C10orf53: variants seen among roughly 807,000 people sequenced by gnomAD.
C10orf53 encodes UPF0728 protein C10orf53.
Under a neutral mutation model 9.4 loss-of-function variants are expected in C10orf53, and 8 were observed. The observed-to-expected ratio is 0.85, with a 90% confidence interval of 0.50 to 1.53. The LOEUF is 1.53. C10orf53 is among the 40% of genes most tolerant of loss of function. The pLI is 0.00. For missense variants in C10orf53, 117 were observed against 117.8 expected, an observed-to-expected ratio of 0.99 and a Z score of 0.03; for synonymous variants, 48 against 46.0, an observed-to-expected ratio of 1.04 and a Z score of -0.18.
chr10:49,694,505 C>G, intron 2 of C10orf53, 33 bp from the exon 3 acceptor site: 1 of 1,613,524 alleles, frequency 6.2e-7, no homozygotes, highest in Non-Finnish European at 8.5e-7. Context: ...GTATATAAAG[C>G]TAACCAAAAG....
chr10:49,708,225 T>A, intron 2 of C10orf53: 1 of 1,359,840 alleles, frequency 7.4e-7, no homozygotes, highest in Non-Finnish European at 9.8e-7. Flanking sequence ...GGCTTAAGAA[T>A]ATAGGAAATA....
intron 1 of C10orf53, among the ~76,000 whole-genome samples, chr10:49,686,326 C>T (rs1040851111): frequency 4.6e-5 from 7 of 152,090 alleles, no homozygotes; most frequent in African/African-American, 1.4e-4. Context: ...ATGTACGTCA[C>T]CTCAGGACCA....
chr10:49,679,764 C>T lies in C10orf53; in HGVS notation c.67C>T (p.His23Tyr). Residue 23 changes from histidine (H) to tyrosine (Y), a missense_variant, in exon 1 of 3, where the codon CAC (histidine) becomes TAC (tyrosine). Coordinates refer to ENST00000374111, the MANE Select transcript of C10orf53 (RefSeq NM_001042427.3). The part of the protein sequence containing the change: ...PYSAAGLPVE[H>Y]HTFRLQGLQA... ...CAGCGCGGCAGGCCTACCGGTGGAG[C>T]ACCACACCTTCCGCCTGCAGGGCCT... 6.5e-7 allele frequency: 1 copy of T among 1,545,408 alleles called. No homozygotes were observed.
intron 2 of C10orf53, among the ~76,000 whole-genome samples, chr10:49,707,053 C>A (rs985289265): frequency 6.8e-6 from 1 of 147,062 alleles, no homozygotes; most frequent in Non-Finnish European, 1.5e-5. Context: ...ACTTTGTTAG[C>A]ATACAACAAA....
At chr10:49,683,882 CAA>C (rs370891136) in intron 1 of C10orf53, among the ~76,000 whole-genome samples, 99 of 152,134 alleles carry the variant, frequency 6.5e-4, no homozygotes, top group African/African-American at 2.3e-3. Flanking sequence ...GGTGACAGAG[CAA>C]AAGACTCTGT....
At chr10:49,689,823 T>A (rs1042954468) in intron 1 of C10orf53, among the ~76,000 whole-genome samples, 1 of 151,938 alleles carries the variant, frequency 6.6e-6, no homozygotes, top group African/African-American at 2.4e-5. Context: ...ATTTTTAAAA[T>A]GTTGTCCTTT....
Position 49,696,542 on chromosome 10 carries a change from G to A in C10orf53, c.*1940G>A, listed in dbSNP as rs118022201. On this transcript the variant is annotated 3_prime_UTR_variant, in exon 3 of 3. Transcript: ENST00000374111. ...AGGTTGTATTTGTGCCTTCAGAGTA[G>A]CACTACAAGTGAAGAAGACCTGCCC... Among the ~76,000 whole-genome samples the A allele has an allele frequency of 0.022, 3,282 of 152,300 alleles. 51 individuals are homozygous for A. Among genetic ancestry groups the A allele is most frequent in the South Asian group, 0.09 (435 of 4,828 alleles).
Position 49,696,032 on chromosome 10 carries a change from T to G in C10orf53, c.*1430T>G, listed in dbSNP as rs959215569. ...TACAGGTAAAAATAAAGTACAACTT[T>G]AGTAACATTTTTATATATTTCAATT... On this transcript the variant is annotated 3_prime_UTR_variant, in exon 3 of 3. Coordinates refer to ENST00000374111, the MANE Select transcript of C10orf53 (RefSeq NM_001042427.3). 3.3e-5 allele frequency: 5 copies of G among 152,250 alleles called. No individual in the cohort carries two copies. The highest frequency in any genetic ancestry group is 7.3e-5 in the Non-Finnish European group (5 of 68,048). The allele number at this position is 152,250 out of a possible 1,614,324, so 9.4% of individuals were successfully genotyped here.
chr10:49,694,055 G>A (rs1840611430), intron 2 of C10orf53, 162 bp downstream of exon 2: 1 of 937,676 alleles, frequency 1.1e-6, no homozygotes, highest in Non-Finnish European at 1.6e-6. Context: ...GGCACACACA[G>A]GAGAGTATCC....
chr10:49,690,165 GAA>G (rs1167399579), intron 1 of C10orf53, among the ~76,000 whole-genome samples: 1 of 152,190 alleles, frequency 6.6e-6, no homozygotes, highest in African/African-American at 2.4e-5. Flanking sequence ...AGTATTTGGA[GAA>G]AGAGCAAGAG....
intron 2 of C10orf53, among the ~76,000 whole-genome samples, chr10:49,703,797 C>T (rs1840703857): frequency 6.6e-6 from 1 of 152,192 alleles, no homozygotes; most frequent in Admixed American, 6.5e-5. Flanking sequence ...TAATGCTATA[C>T]CAATAAAAAT....
rs577033840 is a variant in C10orf53, at chr10:49,687,707, G to T, written c.98-6067G>T. ...AGCGTTAGTTCTTATTGTTCCTGAG[G>T]AAGGCTCATTGCGAAGGGGAGGTGC... On this transcript the variant is annotated intron_variant, in intron 1 of 2. Transcript: ENST00000374111. Among the ~76,000 whole-genome samples the T allele has an allele frequency of 2.0e-5, 3 of 152,328 alleles. No individual in the cohort carries two copies. In the South Asian group the frequency reaches 6.2e-4, roughly 32 times the overall value.
intron 1 of C10orf53, among the ~76,000 whole-genome samples, chr10:49,686,264 T>C (rs1840527215): frequency 6.6e-6 from 1 of 152,244 alleles, no homozygotes; most frequent in Admixed American, 6.5e-5. Flanking sequence ...TATAATTTCT[T>C]ATGCCTGTCT....
chr10:49,699,674 C>T (rs1159716993), downstream of C10orf53, among the ~76,000 whole-genome samples: 1 of 152,208 alleles, frequency 6.6e-6, no homozygotes, highest in African/African-American at 2.4e-5. Flanking sequence ...TCCACCGTCA[C>T]CCTTCCCAGA....
chr10:49,693,711 T>C, intron 1 of C10orf53, 63 bp from the exon 2 acceptor site: 1 of 1,548,140 alleles, frequency 6.5e-7, no homozygotes, highest in South Asian at 1.2e-5. Flanking sequence ...TGAGGACTGC[T>C]ACCAGTCAGG....
downstream of C10orf53, among the ~76,000 whole-genome samples, chr10:49,701,014 A>ATG (rs1479628791): frequency 3.0e-5 from 4 of 134,324 alleles, no homozygotes; most frequent in Non-Finnish European, 5.4e-5. Flanking sequence ...ATATATATAT[A>ATG]TGTATATATA....
chr10:49,707,734 A>C lies in C10orf53; in HGVS notation c.218-627A>C, dbSNP rs114608183. 3.4e-3 allele frequency among the ~76,000 whole-genome samples: 522 copies of C among 152,232 alleles called. 2 individuals carry two copies. The highest frequency in any genetic ancestry group is 0.011 in the African/African-American group (477 of 41,542). On this transcript the variant is annotated intron_variant, in intron 2 of 2. Coordinates refer to the C10orf53 transcript ENST00000374112. ...TTGTCTTTTCTGAAGCAAGCAGTGG[A>C]GTGGCATGGAAGCCAGGTAGCACGC...
At position 49,690,283 on chromosome 10, in the gene C10orf53, C is replaced by T. The variant is rs577427565; in HGVS notation, c.98-3491C>T. Among the ~76,000 whole-genome samples, 9 of 152,176 alleles carry T rather than the reference C, an allele frequency of 5.9e-5. No individual in the cohort carries two copies. The South Asian group carries it at 1.9e-3, about 32-fold the overall frequency. On this transcript the variant is annotated intron_variant, in intron 1 of 2. Coordinates refer to ENST00000374111, the MANE Select transcript of C10orf53 (RefSeq NM_001042427.3). ...CGATGAATGATAAGTCATGTAATAC[C>T]GGCAGCCAACAAGGGCCAGGGTGTT...
chr10:49,694,077 G>A, intron 2 of C10orf53, 184 bp downstream of exon 2: 2 of 753,614 alleles, frequency 2.7e-6, no homozygotes, highest in East Asian at 2.7e-5. Flanking sequence ...AAACCACACA[G>A]TAAAGTGTGT....
Sources: gnomAD v4.1 joint callset for allele counts (sites outside exome capture counted in the v4.1 genomes callset) on GRCh38, gnomAD v4.1.1 for gene constraint, MANE v1.5 for transcripts, NCBI Gene and HGNC (gene_info 2026-07-23, HGNC 2026-07-21) for gene names.